Variants in ATG5 observed in about 807,000 individuals in gnomAD.
The protein encoded by ATG5 is autophagy related 5.
ATG5 carries 14 observed loss-of-function variants against 36.5 expected under a neutral mutation model. The ratio of observed to expected loss-of-function variants is 0.38; its 90% CI spans 0.25 to 0.60. The LOEUF (loss-of-function observed/expected upper bound fraction) is 0.60, where lower values mean the gene tolerates loss of function less well. Among genes scored for constraint, ATG5 ranks in the 20% least tolerant of loss-of-function variants. The pLI, the probability that ATG5 is intolerant of heterozygous loss-of-function variation, is 0.60. For missense variants in ATG5, 195 were observed against 326.7 expected (o/e 0.60, Z 3.11); for synonymous variants, 95 against 101.5 (o/e 0.94, Z 0.38).
intron 3 of ATG5, among the ~76,000 whole-genome samples, chr6:106,302,058 A>G (rs1770231868): frequency 6.6e-6 from 1 of 152,102 alleles, no homozygotes; most frequent in South Asian, 2.1e-4. Context: ...TAGGAAGTAC[A>G]CACGTAGTGT....
At chr6:106,217,621 G>A (rs982687734) in intron 6 of ATG5, 2 of 152,266 alleles carry the variant, frequency 1.3e-5, no homozygotes, top group East Asian at 1.9e-4. Context: ...GAAGAGAAAC[G>A]CCATAGTAAG....
chr6:106,226,128 A>G (rs567200780), intron 6 of ATG5, among the ~76,000 whole-genome samples: 145 of 152,306 alleles, frequency 9.5e-4, no homozygotes, highest in African/African-American at 3.3e-3. Context: ...ACATTCACAC[A>G]TAGGCCCCTG....
intron 5 of ATG5, among the ~76,000 whole-genome samples, chr6:106,273,835 ATTTAACT>A (rs1490595944): frequency 6.6e-6 from 1 of 152,224 alleles, no homozygotes; most frequent in African/African-American, 2.4e-5. Flanking sequence ...GAACGGCTGC[ATTTAACT>A]TTTATGTTAC....
chr6:106,280,174 A>G (rs1779824336), intron 4 of ATG5, among the ~76,000 whole-genome samples: 1 of 152,000 alleles, frequency 6.6e-6, no homozygotes, highest in South Asian at 2.1e-4. Context: ...CCACTTTGGA[A>G]AAGTCTGGTA....
chr6:106,191,905 A>G (rs899800992), intron 7 of ATG5, among the ~76,000 whole-genome samples: 7 of 152,222 alleles, frequency 4.6e-5, no homozygotes, highest in African/African-American at 1.4e-4. Flanking sequence ...AAAACCATGG[A>G]TTCAATTATG....
At chr6:106,277,541 A>G (rs75124042) in intron 5 of ATG5, among the ~76,000 whole-genome samples, 3,709 of 152,392 alleles carry the variant, frequency 0.024, 65 homozygotes, top group African/African-American at 0.049. Flanking sequence ...GAGGCTGAGC[A>G]TGGTAGCTCA....
rs571332493 is a variant in ATG5 at position 106,273,521 on chromosome 6, G to T, written c.478+6140C>A. Reference sequence around the variant, plus strand: ...AATCCTTGAATTTGAGTCTTATGAGGCATTACCACCTTCGTATTTGTAATA... The same window carrying T: ...AATCCTTGAATTTGAGTCTTATGAGTCATTACCACCTTCGTATTTGTAATA... On this transcript the variant is annotated intron_variant, in intron 5 of 7. Coordinates refer to ENST00000369076, the MANE Select transcript of ATG5 (RefSeq NM_004849.4). Among the ~76,000 whole-genome samples the T allele has an allele frequency of 1.8e-4, 28 of 152,258 alleles. 1 individual carries two copies. In the South Asian group the frequency reaches 5.2e-3, roughly 28 times the overall value.
intron 6 of ATG5, among the ~76,000 whole-genome samples, chr6:106,222,498 T>C (rs376979420): frequency 6.6e-6 from 1 of 152,310 alleles, no homozygotes; most frequent in African/African-American, 2.4e-5. Context: ...GTTTTTACTT[T>C]CTGTGCATGC....
intron 5 of ATG5, among the ~76,000 whole-genome samples, chr6:106,272,130 A>G (rs77903944): frequency 2.5e-3 from 374 of 152,322 alleles, no homozygotes; most frequent in African/African-American, 8.5e-3. Flanking sequence ...TAGGACACAT[A>G]ATACATATCA....
chr6:106,196,786 A>G (rs1448880398), intron 7 of ATG5, among the ~76,000 whole-genome samples: 1 of 151,254 alleles, frequency 6.6e-6, no homozygotes. Flanking sequence ...AGTAAAATAC[A>G]GTATTAACAC....
intron 4 of ATG5, among the ~76,000 whole-genome samples, chr6:106,290,954 A>G (rs971775890): frequency 1.3e-5 from 2 of 152,380 alleles, no homozygotes; most frequent in Non-Finnish European, 2.9e-5. Context: ...ACCACTGACA[A>G]CAAATACTAT....
At chr6:106,284,077 GGA>G (rs1779985156) in intron 4 of ATG5, among the ~76,000 whole-genome samples, 1 of 152,128 alleles carries the variant, frequency 6.6e-6, no homozygotes, top group African/African-American at 2.4e-5. Flanking sequence ...ATCAGCTGAT[GGA>G]CATTGGGTTA....
At chr6:106,215,567 C>A (rs1286570185) in intron 6 of ATG5, among the ~76,000 whole-genome samples, 1 of 151,826 alleles carries the variant, frequency 6.6e-6, no homozygotes, top group Non-Finnish European at 1.5e-5. Flanking sequence ...TCACCACTTA[C>A]GTAATCTGAT....
chr6:106,263,233 G>A (rs2114557241), intron 5 of ATG5, among the ~76,000 whole-genome samples: 1 of 152,288 alleles, frequency 6.6e-6, no homozygotes, highest in Non-Finnish European at 1.5e-5. Context: ...TGGGAGGTCT[G>A]GACTGAGCGG....
intron 4 of ATG5, among the ~76,000 whole-genome samples, chr6:106,281,070 C>G (rs1005642704): frequency 2.0e-5 from 3 of 152,056 alleles, no homozygotes; most frequent in Admixed American, 2.0e-4. Context: ...TGTCATGGAG[C>G]CTTCATAAAA....
At chr6:106,205,314 C>T (rs567462647) in intron 6 of ATG5, among the ~76,000 whole-genome samples, 1 of 152,280 alleles carries the variant, frequency 6.6e-6, no homozygotes, top group African/African-American at 2.4e-5. Flanking sequence ...AACCTGAAAA[C>T]AACAAAGTCA....
intron 6 of ATG5, among the ~76,000 whole-genome samples, chr6:106,246,402 AC>A (rs1778340390): frequency 7.0e-6 from 1 of 142,828 alleles, no homozygotes; most frequent in Non-Finnish European, 1.5e-5. Context: ...TCACACACAC[AC>A]ACACACACAC....
At chr6:106,217,280 C>T (rs757853238) in intron 6 of ATG5, among the ~76,000 whole-genome samples, 4 of 151,996 alleles carry the variant, frequency 2.6e-5, no homozygotes, top group Non-Finnish European at 4.4e-5. Context: ...CTTAACTGTT[C>T]ACCAAAACTC....
intron 6 of ATG5, among the ~76,000 whole-genome samples, chr6:106,222,797 C>T (rs1473380218): frequency 6.6e-6 from 1 of 152,082 alleles, no homozygotes; most frequent in Non-Finnish European, 1.5e-5. Context: ...TTCTCAATTA[C>T]CTCAGGTATA....
Sources: allele counts gnomAD v4.1 joint callset (sites outside exome capture counted in the v4.1 genomes callset), GRCh38; gene constraint gnomAD v4.1.1; transcripts MANE v1.5; gene names NCBI Gene and HGNC (gene_info 2026-07-23, HGNC 2026-07-21).